MGAT4C: variants seen among roughly 807,000 people sequenced by gnomAD.
MGAT4C encodes alpha-1,3-mannosyl-glycoprotein 4-beta-N-acetylglucosaminyltransferase C.
In MGAT4C, 19 loss-of-function variants were observed where a neutral mutation model predicts 40.1. The observed-to-expected ratio is 0.47, with a 90% CI of 0.33 to 0.70. The LOEUF is 0.70. Among genes scored for constraint, MGAT4C ranks in the 30% least tolerant of loss-of-function variants. The pLI is 0.02. For missense variants in MGAT4C, 491 were observed against 563.2 expected (o/e 0.87, Z 1.30); for synonymous variants, 181 against 187.1 (o/e 0.97, Z 0.27).
intron 1 of MGAT4C, among the ~76,000 whole-genome samples, chr12:86,744,729 A>T (rs1382922792): frequency 6.6e-6 from 1 of 151,542 alleles, no homozygotes; most frequent in Admixed American, 6.6e-5. Flanking sequence ...GTCTATGAGT[A>T]TGGATGTGGG....
At chr12:86,492,098 A>G (rs1269402875) in intron 2 of MGAT4C, among the ~76,000 whole-genome samples, 1 of 152,182 alleles carries the variant, frequency 6.6e-6, no homozygotes, top group East Asian at 1.9e-4. Flanking sequence ...AGGGATGTGA[A>G]GGACCTCTTC....
At chr12:86,086,015 T>C (rs1231632299) in intron 1 of MGAT4C, among the ~76,000 whole-genome samples, 1 of 152,042 alleles carries the variant, frequency 6.6e-6, no homozygotes, top group Non-Finnish European at 1.5e-5. Context: ...AGAAATACCA[T>C]TTGACCCAGC....
intron 2 of MGAT4C, among the ~76,000 whole-genome samples, chr12:86,494,738 A>G (rs1471255319): frequency 6.6e-6 from 1 of 151,968 alleles, no homozygotes; most frequent in African/African-American, 2.4e-5. Flanking sequence ...GCATTCTGAC[A>G]TTTGACTTAC....
At chr12:86,412,022 G>A (rs1296327865) in intron 3 of MGAT4C, among the ~76,000 whole-genome samples, 1 of 152,180 alleles carries the variant, frequency 6.6e-6, no homozygotes, top group African/African-American at 2.4e-5. Context: ...AAGCCTGCAG[G>A]TGCACAGAGG....
rs1383660917 is a variant in MGAT4C at position 86,774,356 on chromosome 12, CT to C, written c.-261-47116del. Reference sequence around the variant, plus strand: ...CTTTCTTTCTGTCTCTCTCTCTCCCCTCTCTCTCTCTCTCTTTCTGTCTGTC... The same window carrying C: ...CTTTCTTTCTGTCTCTCTCTCTCCCCCTCTCTCTCTCTCTTTCTGTCTGTC... On this transcript the variant is annotated intron_variant, in intron 1 of 7. Transcript: ENST00000548651. Among the ~76,000 whole-genome samples, 2 of 20,988 alleles carry C rather than the reference CT, an allele frequency of 9.5e-5. 1 individual carries two copies. Among genetic ancestry groups the C allele is most frequent in the East Asian group, 1.8e-3 (2 of 1,116 alleles). The allele number at this position is 20,988 out of a possible 152,430, so 13.8% of individuals were successfully genotyped here. A position where few individuals can be genotyped will look rare whatever the true frequency, so the allele number is the denominator to read the frequency against.
At chr12:86,324,187 T>C (rs1436873208) in intron 4 of MGAT4C, among the ~76,000 whole-genome samples, 2 of 151,966 alleles carry the variant, frequency 1.3e-5, no homozygotes, top group Admixed American at 6.6e-5. Flanking sequence ...TATGGTTATG[T>C]ATTGCCCCTT....
intron 4 of MGAT4C, among the ~76,000 whole-genome samples, chr12:85,982,775 T>C (rs1439446744): frequency 6.6e-6 from 1 of 152,214 alleles, no homozygotes; most frequent in Non-Finnish European, 1.5e-5. Context: ...TTTGCAGATA[T>C]AATTAGTTAA....
intron 2 of MGAT4C, among the ~76,000 whole-genome samples, chr12:86,710,165 A>T (rs972794937): frequency 6.6e-6 from 1 of 152,236 alleles, no homozygotes; most frequent in South Asian, 2.1e-4. Flanking sequence ...ATAGTAAATT[A>T]CACTGAAAGC....
rs576992190 is a variant in MGAT4C at position 85,996,331 on chromosome 12, C to T, written c.-6-6779G>A. Among the ~76,000 whole-genome samples, 28 of 151,874 alleles carry T rather than the reference C, an allele frequency of 1.8e-4. 1 individual carries two copies. The highest frequency in any genetic ancestry group is 6.2e-4 in the South Asian group (3 of 4,816). On this transcript the variant is annotated intron_variant, in intron 2 of 4. Transcript: ENST00000611864. ...TTCTAGGGATGAAAAATTTTATGTG[C>T]GAAATGCAAATACACTGGCTAGTAG...
chr12:86,644,671 G>A (rs1244228393), intron 2 of MGAT4C, among the ~76,000 whole-genome samples: 2 of 151,628 alleles, frequency 1.3e-5, no homozygotes, highest in Admixed American at 6.6e-5. Flanking sequence ...TCCATCAATT[G>A]TAGACTGACG....
intron 2 of MGAT4C, among the ~76,000 whole-genome samples, chr12:86,642,260 C>A (rs1963413028): frequency 6.6e-6 from 1 of 151,726 alleles, no homozygotes; most frequent in Non-Finnish European, 1.5e-5. Context: ...CTCTCTCTTG[C>A]CATTTATCCT....
At chr12:86,454,895 CTTAACA>C (rs1253179580) in intron 2 of MGAT4C, among the ~76,000 whole-genome samples, 2 of 152,014 alleles carry the variant, frequency 1.3e-5, no homozygotes, top group Non-Finnish European at 2.9e-5. Context: ...GTTTCTTTCT[CTTAACA>C]TTATTTTGTC....
At chr12:86,680,523 C>G (rs1949962250) in intron 2 of MGAT4C, among the ~76,000 whole-genome samples, 1 of 151,962 alleles carries the variant, frequency 6.6e-6, no homozygotes, top group Non-Finnish European at 1.5e-5. Context: ...GCAGTTGTTT[C>G]GTTTAATGTA....
intron 4 of MGAT4C, among the ~76,000 whole-genome samples, chr12:85,980,994 T>C (rs1884529031): frequency 1.3e-5 from 2 of 152,152 alleles, no homozygotes; most frequent in African/African-American, 4.8e-5. Context: ...GTCATTATGT[T>C]GTACTAGAAT....
intron 2 of MGAT4C, among the ~76,000 whole-genome samples, chr12:86,042,585 A>T (rs1335606559): frequency 6.6e-6 from 1 of 152,186 alleles, no homozygotes; most frequent in African/African-American, 2.4e-5. Flanking sequence ...TTGGCTAGAT[A>T]CAAAATTCTC....
At chr12:86,180,860 T>C (rs1888039960) in intron 1 of MGAT4C, among the ~76,000 whole-genome samples, 1 of 152,324 alleles carries the variant, frequency 6.6e-6, no homozygotes, top group Non-Finnish European at 1.5e-5. Context: ...AATGTTGAAA[T>C]GAGTTAAACC....
chr12:86,584,136 T>C (rs1469884202), intron 2 of MGAT4C, among the ~76,000 whole-genome samples: 1 of 150,900 alleles, frequency 6.6e-6, no homozygotes, highest in Non-Finnish European at 1.5e-5. Flanking sequence ...GATAATTCAG[T>C]GAATATCCAC....
At chr12:86,556,247 G>T (rs1175263164) in intron 2 of MGAT4C, among the ~76,000 whole-genome samples, 1 of 152,080 alleles carries the variant, frequency 6.6e-6, no homozygotes, top group East Asian at 1.9e-4. Flanking sequence ...ATTTTTTAAT[G>T]AAGGAAGGAA....
rs372788138 is a variant in MGAT4C, at chr12:86,537,371, C to CA, written c.-228-102107dup. Reference sequence around the variant, plus strand: ...ATGCATCCTAAAACTTAAAGTATAACAAAAAAAAAACAACAGTTAAGGCTT... The same window carrying CA: ...ATGCATCCTAAAACTTAAAGTATAACAAAAAAAAAAACAACAGTTAAGGCTT... On this transcript the variant is annotated intron_variant, in intron 2 of 7. Transcript: ENST00000548651. Among the ~76,000 whole-genome samples the CA allele has an allele frequency of 3.7e-3, 532 of 143,042 alleles. 3 individuals carry two copies. The highest frequency in any genetic ancestry group is 5.6e-3 in the African/African-American group (221 of 39,332). 93.8% of individuals were successfully genotyped at this position (143,042 alleles called of 152,430 possible). A position where few individuals can be genotyped will look rare whatever the true frequency, so the allele number is the denominator to read the frequency against.
Sources: allele counts gnomAD v4.1 joint callset (sites outside exome capture counted in the v4.1 genomes callset), GRCh38; gene constraint gnomAD v4.1.1; transcripts MANE v1.5; gene names NCBI Gene and HGNC (gene_info 2026-07-23, HGNC 2026-07-21).